The following MYO5B variants were observed in gnomAD, a reference collection of about 807,000 sequenced individuals.
MYO5B encodes the protein myosin VB.
In MYO5B, 143 loss-of-function variants were observed where a neutral mutation model predicts 229.3. That is an observed-to-expected ratio of 0.62 (90% CI 0.54 to 0.72). The LOEUF is 0.72. Among genes scored for constraint, MYO5B ranks in the 30% least tolerant of loss-of-function variants. MYO5B has a pLI of 0.00. For synonymous variants in MYO5B, 918 were observed against 885.2 expected (o/e 1.04, Z -0.66); for missense variants, 2,321 against 2,331.0 (o/e 1.00, Z 0.09).
At chr18:49,931,879 C>G (rs913675387) in intron 16 of MYO5B, among the ~76,000 whole-genome samples, 1 of 152,206 alleles carries the variant, frequency 6.6e-6, no homozygotes, top group Non-Finnish European at 1.5e-5. Flanking sequence ...CCTCCCCAGG[C>G]ACTCTGCCCC....
intron 2 of MYO5B, among the ~76,000 whole-genome samples, chr18:50,043,667 AAT>A (rs1363737411): frequency 7.2e-6 from 1 of 139,826 alleles, no homozygotes; most frequent in Non-Finnish European, 1.5e-5. Flanking sequence ...AAATATATAA[AAT>A]ATATTTATAA....
At chr18:49,941,229 C>A (rs946914914) in intron 14 of MYO5B, among the ~76,000 whole-genome samples, 1 of 152,168 alleles carries the variant, frequency 6.6e-6, no homozygotes, top group African/African-American at 2.4e-5. Flanking sequence ...GACTTGCATG[C>A]AAATAAAAGT....
intron 34 of MYO5B, 129 bp from the exon 35 acceptor site, chr18:49,841,583 C>T: frequency 1.2e-6 from 1 of 827,896 alleles, no homozygotes; most frequent in South Asian, 1.4e-5. Flanking sequence ...CTGGGCAGGG[C>T]ACTTGCCAGT....
At chr18:49,989,832 G>T (rs879442897) in intron 7 of MYO5B, among the ~76,000 whole-genome samples, 1 of 152,216 alleles carries the variant, frequency 6.6e-6, no homozygotes, top group Non-Finnish European at 1.5e-5. Flanking sequence ...GAGGCAGTTT[G>T]GGTTGCTCCA....
intron 27 of MYO5B, among the ~76,000 whole-genome samples, chr18:49,866,328 C>T (rs2024396163): frequency 6.6e-6 from 1 of 152,140 alleles, no homozygotes; most frequent in Non-Finnish European, 1.5e-5. Context: ...CTCGGCCTCC[C>T]AAAGTGCTGG....
chr18:49,962,796 C>G (rs546742484), intron 11 of MYO5B, among the ~76,000 whole-genome samples, 153 bp downstream of exon 11: 1 of 152,204 alleles, frequency 6.6e-6, no homozygotes, highest in Non-Finnish European at 1.5e-5. Context: ...GTGGAGAGCC[C>G]CTTCCGAAAG....
At chr18:50,154,292 G>A (rs2032646533) in intron 1 of MYO5B, among the ~76,000 whole-genome samples, 1 of 151,844 alleles carries the variant, frequency 6.6e-6, no homozygotes, top group Non-Finnish European at 1.5e-5. Flanking sequence ...TTTTTTTAAA[G>A]CTTATCCCCC....
At chr18:50,089,885 C>A (rs1402775620) in intron 1 of MYO5B, among the ~76,000 whole-genome samples, 1 of 152,236 alleles carries the variant, frequency 6.6e-6, no homozygotes, top group East Asian at 1.9e-4. Context: ...CATCATGGCA[C>A]CCTGCATTTG....
intron 16 of MYO5B, among the ~76,000 whole-genome samples, chr18:49,934,173 G>A (rs1406410272): frequency 6.6e-6 from 1 of 152,180 alleles, no homozygotes; most frequent in Non-Finnish European, 1.5e-5. Flanking sequence ...ACCACACCAG[G>A]CCCTCATCAG....
chr18:50,071,194 G>T (rs769288929), intron 1 of MYO5B, among the ~76,000 whole-genome samples: 5 of 152,178 alleles, frequency 3.3e-5, no homozygotes, highest in Non-Finnish European at 7.3e-5. Context: ...CTCTGCTGAA[G>T]ATATCTTCCT....
chr18:49,918,243 T>C (rs569063839), intron 17 of MYO5B, among the ~76,000 whole-genome samples: 2 of 152,300 alleles, frequency 1.3e-5, no homozygotes, highest in Admixed American at 6.5e-5. Context: ...TATGGACAGA[T>C]GGTATGGAGC....
At chr18:50,107,867 C>T (rs2031790896) in intron 1 of MYO5B, among the ~76,000 whole-genome samples, 1 of 152,106 alleles carries the variant, frequency 6.6e-6, no homozygotes, top group Non-Finnish European at 1.5e-5. Context: ...CCCTGAAGTC[C>T]CCAACTCCCA....
chr18:49,962,471 G>A, intron 11 of MYO5B, 65 bp from the exon 12 acceptor site: 1 of 1,606,846 alleles, frequency 6.2e-7, no homozygotes, highest in Non-Finnish European at 8.5e-7. Flanking sequence ...CCTCCCCCAG[G>A]GGCTCAGTGA....
intron 26 of MYO5B, 34 bp from the exon 27 acceptor site, chr18:49,872,266 C>T (rs1163152481): frequency 6.2e-7 from 1 of 1,607,474 alleles, no homozygotes. Context: ...TAAGTGCAGA[C>T]CTCGAGCAAG....
chr18:50,122,634 GGAGAGAGAGAGAGAGAGAGAGAGA>G (rs778675940), intron 1 of MYO5B, among the ~76,000 whole-genome samples: 15 of 9,258 alleles, frequency 1.6e-3, no homozygotes, highest in African/African-American at 4.3e-3. Flanking sequence ...GAAGGGGGGG[GGAGAGAGAGAGAGAGAGAGAGAGA>G]GAGAGAGAGA....
intron 14 of MYO5B, among the ~76,000 whole-genome samples, chr18:49,938,785 C>T (rs558587128): frequency 2.0e-5 from 3 of 152,304 alleles, no homozygotes; most frequent in African/African-American, 7.2e-5. Context: ...GCTTACTGTG[C>T]TATTTTTACT....
At chr18:50,058,415 A>G (rs2030604772) in intron 1 of MYO5B, among the ~76,000 whole-genome samples, 1 of 152,224 alleles carries the variant, frequency 6.6e-6, no homozygotes, top group Non-Finnish European at 1.5e-5. Context: ...GGTTACAGTG[A>G]GCTACAATTG....
intron 1 of MYO5B, among the ~76,000 whole-genome samples, chr18:50,161,974 G>T (rs2032773373): frequency 6.6e-6 from 1 of 152,234 alleles, no homozygotes; most frequent in African/African-American, 2.4e-5. Context: ...TGCTAAACTG[G>T]TTTGGCATCC....
chr18:50,108,581 C>G (rs1042756929), intron 1 of MYO5B, among the ~76,000 whole-genome samples: 1 of 152,142 alleles, frequency 6.6e-6, no homozygotes, highest in Non-Finnish European at 1.5e-5. Flanking sequence ...CTCCAGGCAG[C>G]CTAGACCGGC....
Sources: gnomAD v4.1 joint callset for allele counts (sites outside exome capture counted in the v4.1 genomes callset) on GRCh38, gnomAD v4.1.1 for gene constraint, MANE v1.5 for transcripts, NCBI Gene and HGNC (gene_info 2026-07-23, HGNC 2026-07-21) for gene names.